The following DEFA5 variants were observed in gnomAD, a reference collection of about 807,000 sequenced individuals.
DEFA5 encodes HD5(20-94).
Under a neutral mutation model 8.7 loss-of-function variants are expected in DEFA5, and 11 were observed. That is an observed-to-expected ratio of 1.26 (90% CI 0.80 to 2.09). The LOEUF is 2.09. DEFA5 is among the 30% of genes most tolerant of loss of function. The pLI is 0.00. For missense variants in DEFA5, 181 were observed against 117.2 expected, an observed-to-expected ratio of 1.54 and a Z score of -2.52; for synonymous variants, 52 against 43.9, an observed-to-expected ratio of 1.18 and a Z score of -0.73.
intron 1 of DEFA5, 58 bp downstream of exon 1, chr8:7,056,468 C>A: frequency 6.5e-7 from 1 of 1,529,340 alleles, no homozygotes; most frequent in South Asian, 1.3e-5. Context: ...GACTCCAGAT[C>A]CTTTCTCCAA....
Position 7,055,420 on chromosome 8 carries a change from A to C in DEFA5, c.*11T>G. On this transcript the variant is annotated 3_prime_UTR_variant, in exon 2 of 2. Transcript: ENST00000330590. ...TGAATCTTGCACTGCTTTGGTTTCT[A>C]TCTAGGAAGCTCAGCGACAGCAGAG... 4 of 1,609,434 alleles carry C rather than the reference A, an allele frequency of 2.5e-6. No homozygotes were observed. In the South Asian group the frequency reaches 3.3e-5, roughly 13 times the overall value.
intron 1 of DEFA5, 25 bp downstream of exon 1, chr8:7,056,501 G>C (rs759018878): frequency 5.1e-6 from 8 of 1,578,318 alleles, no homozygotes; most frequent in African/African-American, 4.1e-5. Context: ...AGATTTTGCA[G>C]ATGTGCAAGA....
At chr8:7,056,181 G>T (rs1418337358) in intron 1 of DEFA5, among the ~76,000 whole-genome samples, 2 of 151,978 alleles carry the variant, frequency 1.3e-5, no homozygotes, top group African/African-American at 4.8e-5. Context: ...ACACCTATAG[G>T]TTCCTCTCTA....
chr8:7,055,683 G>A, intron 1 of DEFA5, 140 bp from the exon 2 acceptor site: 2 of 636,186 alleles, frequency 3.1e-6, no homozygotes, highest in Non-Finnish European at 5.6e-6. Context: ...TTTGTCGTAA[G>A]TGACAAGAAA....
chr8:7,055,634 C>G, intron 1 of DEFA5, 91 bp from the exon 2 acceptor site: 1 of 820,390 alleles, frequency 1.2e-6, no homozygotes, highest in Non-Finnish European at 2.1e-6. Context: ...AAATAAGAGA[C>G]ACTGTATCAG....
At chr8:7,056,277 G>T (rs535060202) in intron 1 of DEFA5, among the ~76,000 whole-genome samples, 15 of 152,250 alleles carry the variant, frequency 9.9e-5, no homozygotes, top group African/African-American at 3.1e-4. Context: ...GAACTAGTCA[G>T]TGTAGCTCTT....
At position 7,056,453 on chromosome 8, in the gene DEFA5, C is replaced by T. The variant is rs368227773; in HGVS notation, c.172+73G>A. On this transcript the variant is annotated intron_variant, in intron 1 of 1. Transcript: ENST00000330590. ...CACTCAAGTGAGGTAGACCTTTCCA[C>T]ACTTGACTCCAGATCCTTTCTCCAA... 1.8e-5 allele frequency: 26 copies of T among 1,469,142 alleles called. No homozygotes were observed. The African/African-American group carries it at 3.2e-4, about 18-fold the overall frequency. The allele number at this position is 1,469,142 out of a possible 1,614,324, so 91.0% of individuals were successfully genotyped here.
At chr8:7,055,669 T>C (rs1563111108) in intron 1 of DEFA5, 126 bp from the exon 2 acceptor site, 1 of 662,606 alleles carries the variant, frequency 1.5e-6, no homozygotes, top group South Asian at 1.8e-5. Context: ...AGAAAATTCA[T>C]GTCTTTGTCG....
intron 1 of DEFA5, 89 bp downstream of exon 1, chr8:7,056,437 G>C: frequency 7.5e-7 from 1 of 1,333,300 alleles, no homozygotes; most frequent in Non-Finnish European, 1.0e-6. Flanking sequence ...TCACTCAAGT[G>C]AGGTAGACCT....
At chr8:7,056,014 CTTTTT>C (rs56220551) in intron 1 of DEFA5, among the ~76,000 whole-genome samples, 26,575 of 113,086 alleles carry the variant, frequency 0.23, 2,919 homozygotes, top group East Asian at 0.3. Context: ...TCTGTCTCTC[CTTTTT>C]TTTTTTTTTT....
Position 7,056,626 on chromosome 8 carries a change from T to A in DEFA5, c.72A>T (p.Glu24Asp), listed in dbSNP as rs551762182. ...TCTGGGTTGTAGCCTCATCAGCTCT[T>A]TCCTGGAGTGACTCAGCCTGGGCCT... ...ALQAQAESLQ[E>D]RADEATTQKQ... The change falls in exon 1 of 2, where the codon GAA (glutamate) becomes GAT (aspartate). Residue 24 changes from glutamate to aspartate, a missense_variant. Physicochemically the swap from Glu to Asp is conservative, Grantham distance 45. Transcript: ENST00000330590. The A allele has an allele frequency of 6.2e-7, 1 of 1,614,168 alleles. No individual in the cohort carries two copies. The highest frequency in any genetic ancestry group is 1.1e-5 in the South Asian group (1 of 91,068).
Position 7,056,553 on chromosome 8 carries a change from T to C in DEFA5, c.145A>G (p.Asn49Asp), listed in dbSNP as rs1812437805. 6.2e-7 allele frequency: 1 copy of C among 1,613,324 alleles called. No individual in the cohort carries two copies. Among genetic ancestry groups the C allele is most frequent in the Non-Finnish European group, 8.5e-7 (1 of 1,179,420 alleles). Residue 49 changes from asparagine (N) to aspartate (D), a missense_variant, in exon 1 of 2, where the codon AAT becomes GAT. By Grantham distance (23) the Asn-to-Asp change is conservative. Coordinates refer to ENST00000330590, the MANE Select transcript of DEFA5 (RefSeq NM_021010.3). The part of the protein sequence containing the change: ...NQDLAISFAG[N>D]GLSALRTSGS... The stretch of plus-strand genomic sequence containing the variant: ...GAGGTTCTAAGAGCAGAGAGTCCAT[T>C]TCCTGCAAAGGAGATAGCAAGGTCC...
chr8:7,055,630 G>C (rs1585105671), intron 1 of DEFA5, 87 bp from the exon 2 acceptor site: 3 of 845,048 alleles, frequency 3.6e-6, no homozygotes, highest in East Asian at 2.6e-5. Context: ...GTCTAAATAA[G>C]AGACACTGTA....
Position 7,055,385 on chromosome 8 carries a change from G to A in DEFA5, c.*46C>T. The A allele has an allele frequency of 1.4e-6, 2 of 1,444,246 alleles. No homozygotes were observed. Among genetic ancestry groups the A allele is most frequent in the Non-Finnish European group, 1.9e-6 (2 of 1,034,840 alleles). 89.5% of individuals were successfully genotyped at this position (1,444,246 alleles called of 1,614,324 possible). ...GAGTAAAATGTTTTTCTTTTTTCAG[G>A]ACCTTGAACTGAATCTTGCACTGCT... is the stretch of plus-strand genomic sequence containing the variant. On this transcript the variant is annotated 3_prime_UTR_variant, in exon 2 of 2. Transcript: ENST00000330590.
chr8:7,056,389 T>C lies in DEFA5; in HGVS notation c.172+137A>G, dbSNP rs55935631. 287 of 858,874 alleles carry C rather than the reference T, an allele frequency of 3.3e-4. 3 individuals are homozygous for C. In the South Asian group the frequency reaches 7.6e-3, roughly 23 times the overall value. The allele number at this position is 858,874 out of a possible 1,614,324, so 53.2% of individuals were successfully genotyped here. ...TATTTGGTTCTCACTGATTAATTTA[T>C]AGATGAGAAAATCAAGGTCCAGGAA... On this transcript the variant is annotated intron_variant, in intron 1 of 1. Transcript: ENST00000330590.
At position 7,055,309 on chromosome 8, in the gene DEFA5, T is replaced by C. The variant is rs1812375313; in HGVS notation, c.*122A>G. On this transcript the variant is annotated 3_prime_UTR_variant, in exon 2 of 2. Coordinates refer to ENST00000330590, the MANE Select transcript of DEFA5 (RefSeq NM_021010.3). Reference sequence around the variant, plus strand: ...AAAAGGTCAAACACACTAAGTTTAATGCTTGAACTTTATTTTGGAGAGAGA... The same window carrying C: ...AAAAGGTCAAACACACTAAGTTTAACGCTTGAACTTTATTTTGGAGAGAGA... 1.4e-6 allele frequency: 1 copy of C among 719,948 alleles called. No individual in the cohort carries two copies. The highest frequency in any genetic ancestry group is 2.3e-6 in the Non-Finnish European group (1 of 429,752). 44.6% of individuals were successfully genotyped at this position (719,948 alleles called of 1,614,324 possible). A position where few individuals can be genotyped will look rare whatever the true frequency, so the allele number is the denominator to read the frequency against.
intron 1 of DEFA5, among the ~76,000 whole-genome samples, chr8:7,056,064 T>C (rs1812416906): frequency 6.6e-6 from 1 of 150,666 alleles, no homozygotes; most frequent in African/African-American, 2.4e-5. Flanking sequence ...TTACTTGTTT[T>C]AATTGACAAA....
chr8:7,055,447 C>T lies in DEFA5; in HGVS notation c.269G>A (p.Arg90Lys), dbSNP rs759737500. The T allele has an allele frequency of 2.5e-6, 4 of 1,613,716 alleles. No homozygotes were observed. The African/African-American group carries it at 5.3e-5, about 22-fold the overall frequency. The change falls in exon 2 of 2, where the codon AGA becomes AAA. Residue 90 changes from arginine to lysine, a missense_variant. By Grantham distance (26) the Arg-to-Lys change is conservative. Transcript: ENST00000330590. ...CTAGGAAGCTCAGCGACAGCAGAGT[C>T]TGTAGAGGCGGCCACTGATTTCACA... Reference protein sequence around the residue: ...GVCEISGRLYRLCCR With the variant: ...GVCEISGRLYKLCCR
At position 7,056,523 on chromosome 8, in the gene DEFA5, T is replaced by C. The variant is rs374982538; in HGVS notation, c.172+3A>G. On this transcript the variant is annotated splice_donor_region_variant and intron_variant, in intron 1 of 1. Transcript: ENST00000330590. ...GCAGATGTGCAAGATTGATGTCTCC[T>C]ACCTGAGGTTCTAAGAGCAGAGAGT... 1.3e-5 allele frequency: 21 copies of C among 1,606,576 alleles called. No homozygotes were observed. Among genetic ancestry groups the C allele is most frequent in the Middle Eastern group, 3.3e-4 (2 of 6,058 alleles).
Sources: gnomAD v4.1 joint callset for allele counts (sites outside exome capture counted in the v4.1 genomes callset) on GRCh38, gnomAD v4.1.1 for gene constraint, MANE v1.5 for transcripts, NCBI Gene and HGNC (gene_info 2026-07-23, HGNC 2026-07-21) for gene names.